Variants in CPNE8 observed in about 807,000 individuals in gnomAD.
CPNE8 encodes the protein copine 8.
Under a neutral mutation model 81.5 loss-of-function variants are expected in CPNE8, and 45 were observed. The observed-to-expected ratio is 0.55, with a 90% CI of 0.44 to 0.71. The LOEUF is 0.71. Ranked by LOEUF, CPNE8 falls within the 30% of genes least tolerant of loss-of-function variation. The pLI, the probability that CPNE8 is intolerant of heterozygous loss-of-function variation, is 0.00. For synonymous variants in CPNE8, 252 were observed against 226.3 expected (o/e 1.11, Z -1.02); for missense variants, 594 against 672.1 (o/e 0.88, Z 1.28).
At chr12:38,796,632 G>A (rs937109249) in intron 6 of CPNE8, among the ~76,000 whole-genome samples, 3 of 152,254 alleles carry the variant, frequency 2.0e-5, no homozygotes, top group Non-Finnish European at 4.4e-5. Context: ...GAAGACGGGG[G>A]ATTTCTGCAT....
intron 13 of CPNE8, among the ~76,000 whole-genome samples, chr12:38,719,818 A>G (rs1940509957): frequency 6.6e-6 from 1 of 152,194 alleles, no homozygotes. Context: ...TAAGGACATT[A>G]CATACATTTA....
chr12:38,727,201 A>T (rs2136755777), intron 11 of CPNE8, among the ~76,000 whole-genome samples: 1 of 152,318 alleles, frequency 6.6e-6, no homozygotes, highest in African/African-American at 2.4e-5. Flanking sequence ...GACAAAGAGT[A>T]AATCTCACTA....
chr12:38,704,578 C>T lies in CPNE8; in HGVS notation c.915-1657G>A, dbSNP rs1472684736. Among the ~76,000 whole-genome samples, 3 of 151,906 alleles carry T rather than the reference C, an allele frequency of 2.0e-5. No individual in the cohort carries two copies. In the East Asian group the frequency reaches 5.8e-4, roughly 29 times the overall value. On this transcript the variant is annotated intron_variant, in intron 13 of 19. Coordinates refer to ENST00000331366, the MANE Select transcript of CPNE8 (RefSeq NM_153634.3). ...TCAGAGCTTACTCTAGCCTATTTTA[C>T]TGTGTTCTGAACACTTCCATTAGCC... is the stretch of plus-strand genomic sequence containing the variant.
chr12:38,742,680 A>AAATG (rs1392003361), intron 10 of CPNE8, among the ~76,000 whole-genome samples: 1 of 88,438 alleles, frequency 1.1e-5, no homozygotes, highest in Non-Finnish European at 3.0e-5. Context: ...AAATATAAAT[A>AAATG]AATAAATAAA....
chr12:38,806,268 C>T (rs1306424948), intron 6 of CPNE8, among the ~76,000 whole-genome samples: 3 of 150,190 alleles, frequency 2.0e-5, no homozygotes, highest in South Asian at 2.2e-4. Context: ...CCAGCATCAT[C>T]CTGATACCAA....
intron 1 of CPNE8, among the ~76,000 whole-genome samples, chr12:38,888,954 T>G (rs928403224): frequency 3.3e-5 from 5 of 152,234 alleles, no homozygotes; most frequent in Non-Finnish European, 7.3e-5. Flanking sequence ...TTTCTTCAAC[T>G]ATATATTGAA....
intron 6 of CPNE8, among the ~76,000 whole-genome samples, chr12:38,796,432 CATTAAA>C (rs1429762751): frequency 6.6e-6 from 1 of 152,054 alleles, no homozygotes; most frequent in Non-Finnish European, 1.5e-5. Context: ...GATGATTTCA[CATTAAA>C]ATTAAGAATT....
At chr12:38,821,178 T>A (rs1943104520) in intron 6 of CPNE8, among the ~76,000 whole-genome samples, 1 of 152,162 alleles carries the variant, frequency 6.6e-6, no homozygotes, top group South Asian at 2.1e-4. Flanking sequence ...ATATTCTAAT[T>A]TTCATAGGGC....
intron 14 of CPNE8, among the ~76,000 whole-genome samples, chr12:38,699,224 A>C (rs1347668641): frequency 6.6e-6 from 1 of 152,096 alleles, no homozygotes; most frequent in East Asian, 1.9e-4. Flanking sequence ...CTTGTTTTCC[A>C]TTCTTTTAAC....
At chr12:38,733,093 G>A (rs1396505235) in intron 10 of CPNE8, among the ~76,000 whole-genome samples, 1 of 151,874 alleles carries the variant, frequency 6.6e-6, no homozygotes, top group Non-Finnish European at 1.5e-5. Flanking sequence ...GGCAGTATAT[G>A]GAGATAAAAA....
At chr12:38,654,231 A>G (rs1333585968) in intron 19 of CPNE8, among the ~76,000 whole-genome samples, 161 bp from the exon 20 acceptor site, 2 of 152,050 alleles carry the variant, frequency 1.3e-5, no homozygotes, top group East Asian at 1.9e-4. Context: ...AAAATATTCA[A>G]TAGGCCAGGC....
chr12:38,782,714 T>C (rs2084543244), intron 6 of CPNE8, among the ~76,000 whole-genome samples: 1 of 151,994 alleles, frequency 6.6e-6, no homozygotes, highest in South Asian at 2.1e-4. Context: ...AGGGTCTCAC[T>C]TTGTCACCCA....
chr12:38,745,117 A>G (rs753003909), intron 10 of CPNE8, among the ~76,000 whole-genome samples: 3 of 152,138 alleles, frequency 2.0e-5, no homozygotes, highest in Non-Finnish European at 4.4e-5. Context: ...CTTCCACCAT[A>G]TAATCTTGAT....
intron 3 of CPNE8, among the ~76,000 whole-genome samples, chr12:38,849,409 C>T (rs902639147): frequency 1.3e-5 from 2 of 150,366 alleles, no homozygotes; most frequent in Non-Finnish European, 3.0e-5. Context: ...GGCTTACATT[C>T]TTCCCTTCCA....
chr12:38,785,791 G>T (rs187896198), intron 6 of CPNE8, among the ~76,000 whole-genome samples: 4 of 152,112 alleles, frequency 2.6e-5, no homozygotes, highest in African/African-American at 9.7e-5. Context: ...TTTAAGAGTT[G>T]TCTTTTTGCT....
At chr12:38,780,463 G>T (rs1184329479) in intron 6 of CPNE8, among the ~76,000 whole-genome samples, 1 of 152,020 alleles carries the variant, frequency 6.6e-6, no homozygotes, top group African/African-American at 2.4e-5. Context: ...TCTAGAAATG[G>T]TGAACCACCT....
At chr12:38,761,725 T>G (rs1181107226) in intron 9 of CPNE8, among the ~76,000 whole-genome samples, 1 of 152,188 alleles carries the variant, frequency 6.6e-6, no homozygotes, top group Non-Finnish European at 1.5e-5. Context: ...ACCCAGCTAA[T>G]TGTGAAACAT....
intron 11 of CPNE8, among the ~76,000 whole-genome samples, chr12:38,729,111 T>C (rs963866337): frequency 1.3e-5 from 2 of 152,090 alleles, no homozygotes; most frequent in Non-Finnish European, 2.9e-5. Context: ...TGGAGTATTA[T>C]ATGCTGACTA....
intron 1 of CPNE8, among the ~76,000 whole-genome samples, chr12:38,878,181 C>T (rs1056049237): frequency 1.3e-5 from 2 of 152,226 alleles, no homozygotes; most frequent in Non-Finnish European, 2.9e-5. Flanking sequence ...GCCCTCGGCA[C>T]TCCTCTGCCC....
Sources: allele counts gnomAD v4.1 joint callset (sites outside exome capture counted in the v4.1 genomes callset), GRCh38; gene constraint gnomAD v4.1.1; transcripts MANE v1.5; gene names NCBI Gene and HGNC (gene_info 2026-07-23, HGNC 2026-07-21).